Variants in BAHCC1 observed in about 807,000 individuals in gnomAD.
BAHCC1 encodes BAH domain and coiled-coil containing 1, also known as BAH and coiled-coil domain-containing protein 1.
In BAHCC1, 43 loss-of-function variants were observed where a neutral mutation model predicts 88.2. That is an observed-to-expected ratio of 0.49 (90% CI 0.38 to 0.63). The LOEUF (loss-of-function observed/expected upper bound fraction) is 0.63, where lower values mean the gene tolerates loss of function less well. Among genes scored for constraint, BAHCC1 ranks in the 20% least tolerant of loss-of-function variants. BAHCC1 has a pLI of 0.00. For synonymous variants in BAHCC1, 1,510 were observed against 745.5 expected (o/e 2.03, Z -16.71); for missense variants, 3,023 against 1,654.8 (o/e 1.83, Z -14.34).
chr17:81,403,794 A>G (rs1598449363), intron 2 of BAHCC1, among the ~76,000 whole-genome samples: 2 of 152,284 alleles, frequency 1.3e-5, no homozygotes, highest in Non-Finnish European at 2.9e-5. Context: ...CGCGAGCCCA[A>G]AGGAGCTACG....
intron 2 of BAHCC1, among the ~76,000 whole-genome samples, chr17:81,412,320 C>G (rs1555647978): frequency 6.6e-6 from 1 of 152,248 alleles, no homozygotes; most frequent in Non-Finnish European, 1.5e-5. Flanking sequence ...TAATTGAATA[C>G]CAAAATTAAC....
At chr17:81,432,334 C>T (rs1412711275) in intron 3 of BAHCC1, among the ~76,000 whole-genome samples, 4 of 152,098 alleles carry the variant, frequency 2.6e-5, no homozygotes, top group African/African-American at 9.7e-5. Context: ...GTACAATGAC[C>T]TATGTGTCAA....
chr17:81,432,357 G>A (rs1451348943), intron 3 of BAHCC1, among the ~76,000 whole-genome samples: 8 of 152,222 alleles, frequency 5.3e-5, no homozygotes, highest in African/African-American at 1.9e-4. Context: ...ACGCTGCCTG[G>A]GGAACGTGAG....
chr17:81,456,322 G>C lies in BAHCC1; in HGVS notation c.4595G>C (p.Ser1532Thr). Residue 1532 changes from serine to threonine, a missense_variant, in exon 16 of 28, where the codon AGC becomes ACC. By Grantham distance (58) the Ser-to-Thr change is moderately conservative. Coordinates refer to ENST00000675386, the MANE Select transcript of BAHCC1 (RefSeq NM_001377448.1). The part of the protein sequence containing the change: ...SVEKAQCKKS[S>T]CQGGLAPSVA... ...GAGAAGGCGCAGTGTAAGAAGAGCAGCTGTCAGGGCGGGCTGGCGCCCTCC... is the reference window on the plus strand; with the variant it reads ...GAGAAGGCGCAGTGTAAGAAGAGCACCTGTCAGGGCGGGCTGGCGCCCTCC... 1 of 720,850 alleles carries C rather than the reference G, an allele frequency of 1.4e-6. No homozygotes were observed. 44.7% of individuals were successfully genotyped at this position (720,850 alleles called of 1,614,324 possible).
chr17:81,399,965 G>C lies in BAHCC1; in HGVS notation c.178+48G>C, dbSNP rs989467912. 3 of 1,275,534 alleles carry C rather than the reference G, an allele frequency of 2.4e-6. No individual in the cohort carries two copies. In the East Asian group the frequency reaches 9.8e-5, roughly 41 times the overall value. The allele number at this position is 1,275,534 out of a possible 1,614,324, so 79.0% of individuals were successfully genotyped here. ...CGCGGGACGGGAGCGTTCGAGAGCG[G>C]AACAGGGCGCCCACCCCTCCGCTCC... On this transcript the variant is annotated intron_variant, in intron 2 of 27. Transcript: ENST00000675386. This position sits in a 1 kb window ranked among gnomAD's most constrained non-coding sequence, Gnocchi z 4.5.
At chr17:81,413,166 C>T (rs1358803437) in intron 2 of BAHCC1, 9 of 432,236 alleles carry the variant, frequency 2.1e-5, no homozygotes, top group Non-Finnish European at 2.8e-5. Flanking sequence ...CAGAGTGGGC[C>T]GTCGGGACCC....
chr17:81,442,526 A>G lies in BAHCC1; in HGVS notation c.1177A>G (p.Thr393Ala), dbSNP rs2064440680. The G allele has an allele frequency of 1.4e-6, 1 of 730,354 alleles. No individual in the cohort carries two copies. Among genetic ancestry groups the G allele is most frequent in the Non-Finnish European group, 2.5e-6 (1 of 392,628 alleles). 45.2% of individuals were successfully genotyped at this position (730,354 alleles called of 1,614,324 possible). A position where few individuals can be genotyped will look rare whatever the true frequency, so the allele number is the denominator to read the frequency against. ...CCGGGACCTAAAGGCCAGCGGGCCC[A>G]CCTTCGTGCCTTCTGTGGGACACCT... ...APRDLKASGP[T>A]FVPSVGHLAD... The change falls in exon 5 of 28, where the codon ACC (threonine) becomes GCC (alanine). Residue 393 changes from threonine (T) to alanine (A), a missense_variant. Physicochemically the swap from Thr to Ala is moderately conservative, Grantham distance 58 (BLOSUM62 0). Coordinates refer to ENST00000675386, the MANE Select transcript of BAHCC1 (RefSeq NM_001377448.1).
Position 81,447,302 on chromosome 17 carries a change from A to G in BAHCC1, c.3430A>G (p.Lys1144Glu), listed in dbSNP as rs782145414. Residue 1144 changes from lysine to glutamate, a missense_variant, in exon 11 of 28, where the codon AAG (lysine) becomes GAG (glutamate). Physicochemically the swap from Lys to Glu is moderately conservative, Grantham distance 56. Transcript: ENST00000675386. ...CCCTACCGAGCGGGGACCCCAGGGG[A>G]AGGCAGCGGACCCCAGCCCACTAGA... Reference protein sequence around the residue: ...PYPTERGPQGKAADPSPLEGL... With the variant: ...PYPTERGPQGEAADPSPLEGL... 3.7e-5 allele frequency: 27 copies of G among 738,058 alleles called. No homozygotes were observed. Among genetic ancestry groups the G allele is most frequent in the Non-Finnish European group, 1.5e-5 (6 of 399,134 alleles). The allele number at this position is 738,058 out of a possible 1,614,324, so 45.7% of individuals were successfully genotyped here.
Position 81,461,743 on chromosome 17 carries a change from C to G in BAHCC1, c.7080C>G (p.Thr2360=), listed in dbSNP as rs1328680578. ...DDEDPALLLQ[T]CLTHPVPTLL... is the part of the protein sequence containing the mutation. ...AGGACCCGGCTCTGCTGCTGCAGAC[C>G]TGCCTCACCCACCCCGTGCCCACCC... Residue 2360 remains threonine, a synonymous_variant, in exon 26 of 28, where the codon ACC becomes ACG. Coordinates refer to ENST00000675386, the MANE Select transcript of BAHCC1 (RefSeq NM_001377448.1). 1 of 718,444 alleles carries G rather than the reference C, an allele frequency of 1.4e-6. No individual in the cohort carries two copies. The highest frequency in any genetic ancestry group is 2.6e-6 in the Non-Finnish European group (1 of 385,652). The allele number at this position is 718,444 out of a possible 1,614,324, so 44.5% of individuals were successfully genotyped here. A position where few individuals can be genotyped will look rare whatever the true frequency, so the allele number is the denominator to read the frequency against.
At position 81,399,822 on chromosome 17, in the gene BAHCC1, C is replaced by T. The variant is rs1555645703; in HGVS notation, c.83C>T (p.Ala28Val). 7.5e-7 allele frequency: 1 copy of T among 1,327,228 alleles called. No homozygotes were observed. The highest frequency in any genetic ancestry group is 3.2e-5 in the East Asian group (1 of 31,686). 82.2% of individuals were successfully genotyped at this position (1,327,228 alleles called of 1,614,324 possible). A position where few individuals can be genotyped will look rare whatever the true frequency, so the allele number is the denominator to read the frequency against. The part of the protein sequence containing the change: ...SLGHRSAAAA[A>V]RLAPAGPAAQ... ...GGCCACCGCAGCGCCGCTGCCGCCGCGCGTCTCGCCCCGGCTGGGCCCGCC... is the reference window on the plus strand; with the variant it reads ...GGCCACCGCAGCGCCGCTGCCGCCGTGCGTCTCGCCCCGGCTGGGCCCGCC... The change falls in exon 2 of 28, where the codon GCG (alanine) becomes GTG (valine). Residue 28 changes from alanine (A) to valine (V), a missense_variant. By Grantham distance (64) the Ala-to-Val change is moderately conservative. Coordinates refer to ENST00000675386, the MANE Select transcript of BAHCC1 (RefSeq NM_001377448.1). The surrounding 1 kb of genome is among the most constrained non-coding windows in gnomAD (Gnocchi z 4.5).
At position 81,460,188 on chromosome 17, in the gene BAHCC1, ACCCT is replaced by A. The variant is rs1474444274; in HGVS notation, c.5906-85_5906-82del. On this transcript the variant is annotated intron_variant, in intron 23 of 27. Coordinates refer to ENST00000675386, the MANE Select transcript of BAHCC1 (RefSeq NM_001377448.1). ...AGCAGAACCCCAGAGCCCTCCCCTC[ACCCT>A]CCCCACCGGCTTTGGCAGCCCCGCC... 1.0e-4 allele frequency: 71 copies of A among 678,806 alleles called. No homozygotes were observed. The Middle Eastern group carries it at 3.4e-3, about 33-fold the overall frequency. The allele number at this position is 678,806 out of a possible 1,614,324, so 42.0% of individuals were successfully genotyped here. A position where few individuals can be genotyped will look rare whatever the true frequency, so the allele number is the denominator to read the frequency against.
At chr17:81,413,989 C>T (rs2063988179) in intron 2 of BAHCC1, among the ~76,000 whole-genome samples, 1 of 152,234 alleles carries the variant, frequency 6.6e-6, no homozygotes, top group Non-Finnish European at 1.5e-5. Flanking sequence ...GGCAGCCCAC[C>T]TGGGTGCCCT....
chr17:81,425,205 A>AAGGTGGGTGATG (rs2064166318), intron 2 of BAHCC1, among the ~76,000 whole-genome samples: 1 of 5,052 alleles, frequency 2.0e-4, no homozygotes, highest in Non-Finnish European at 3.5e-4. Context: ...GTTGGTGATG[A>AAGGTGGGTGATG]TGGTGGGTGA....
At chr17:81,446,211 A>G (rs1355908150) in intron 10 of BAHCC1, among the ~76,000 whole-genome samples, 1 of 152,076 alleles carries the variant, frequency 6.6e-6, no homozygotes, top group Non-Finnish European at 1.5e-5. Flanking sequence ...GCGAACATAA[A>G]ACCCGTCCTA....
At chr17:81,433,063 A>G (rs1372207502) in intron 3 of BAHCC1, among the ~76,000 whole-genome samples, 1 of 150,618 alleles carries the variant, frequency 6.6e-6, no homozygotes. Flanking sequence ...GAACAGATGG[A>G]GCTGGCCCGG....
chr17:81,417,343 C>T (rs1467684618), intron 2 of BAHCC1, among the ~76,000 whole-genome samples: 2 of 152,130 alleles, frequency 1.3e-5, no homozygotes, highest in Non-Finnish European at 2.9e-5. Context: ...CACAGCCCTC[C>T]AGAGTGTCTT....
intron 27 of BAHCC1, among the ~76,000 whole-genome samples, chr17:81,463,211 G>A (rs1445468922): frequency 2.0e-5 from 3 of 152,146 alleles, no homozygotes; most frequent in Non-Finnish European, 2.9e-5. Context: ...TCAGCATCCG[G>A]CAGGTCTAGT....
chr17:81,415,020 C>T (rs1262174245), intron 2 of BAHCC1, among the ~76,000 whole-genome samples: 3 of 152,242 alleles, frequency 2.0e-5, no homozygotes, highest in African/African-American at 7.2e-5. Context: ...CAGCCGTGCA[C>T]TCTGCACGTT....
chr17:81,397,115 C>T (rs1246034571), intron 1 of BAHCC1: 1 of 152,080 alleles, frequency 6.6e-6, no homozygotes, highest in Non-Finnish European at 1.5e-5. Context: ...AAGCCCGGCG[C>T]GGGCAGACGC....
Sources: allele counts gnomAD v4.1 joint callset (sites outside exome capture counted in the v4.1 genomes callset), GRCh38; gene constraint gnomAD v4.1.1; non-coding constraint Gnocchi (gnomAD v3.1); transcripts MANE v1.5; gene names NCBI Gene and HGNC (gene_info 2026-07-23, HGNC 2026-07-21).